The following FAM117B variants were observed in gnomAD, a reference collection of about 807,000 sequenced individuals.
FAM117B encodes the protein protein FAM117B.
A neutral mutation model predicts 52.8 loss-of-function variants in FAM117B; 22 were observed. The ratio of observed to expected loss-of-function variants is 0.42; its 90% CI spans 0.30 to 0.59. The LOEUF is 0.59. Among genes scored for constraint, FAM117B ranks in the 20% least tolerant of loss-of-function variants. The pLI, the probability that FAM117B is intolerant of heterozygous loss-of-function variation, is 0.22. For synonymous variants in FAM117B, 309 were observed against 324.1 expected, an observed-to-expected ratio of 0.95 and a Z score of 0.50; for missense variants, 678 against 802.6, an observed-to-expected ratio of 0.84 and a Z score of 1.88.
chr2:202,639,160 A>G (rs983553976), intron 1 of FAM117B, among the ~76,000 whole-genome samples: 5 of 152,166 alleles, frequency 3.3e-5, no homozygotes, highest in African/African-American at 1.2e-4. Flanking sequence ...ACCTCATAGG[A>G]CTCAAATTTC....
intron 4 of FAM117B, among the ~76,000 whole-genome samples, chr2:202,748,978 C>T (rs1217980434): frequency 1.3e-5 from 2 of 152,082 alleles, no homozygotes; most frequent in Non-Finnish European, 2.9e-5. Flanking sequence ...ATGAGTATTT[C>T]ATTGTGTATT....
At chr2:202,694,500 T>G (rs1298096113) in intron 1 of FAM117B, among the ~76,000 whole-genome samples, 1 of 152,002 alleles carries the variant, frequency 6.6e-6, no homozygotes, top group Non-Finnish European at 1.5e-5. Flanking sequence ...CAAAACCAAC[T>G]TTTTTATATG....
intron 1 of FAM117B, among the ~76,000 whole-genome samples, chr2:202,670,225 AAG>A (rs1376567360): frequency 3.9e-5 from 6 of 152,210 alleles, no homozygotes; most frequent in African/African-American, 1.4e-4. Context: ...CAAAAATGAA[AAG>A]AGAAATAAGA....
At chr2:202,658,319 A>G (rs55866932) in intron 1 of FAM117B, among the ~76,000 whole-genome samples, 27,701 of 151,974 alleles carry the variant, frequency 0.18, 3,278 homozygotes, top group South Asian at 0.38. Flanking sequence ...TTTTAAAAAA[A>G]TTGAGACAGA....
intron 1 of FAM117B, among the ~76,000 whole-genome samples, chr2:202,644,075 T>TTTTTTTTTC (rs1689821065): frequency 6.8e-6 from 1 of 146,712 alleles, no homozygotes; most frequent in Non-Finnish European, 1.5e-5. Flanking sequence ...TTTTTTTTTT[T>TTTTTTTTTC]TTTTTTTTTC....
chr2:202,732,132 C>T (rs1407333329), intron 4 of FAM117B, among the ~76,000 whole-genome samples: 1 of 150,096 alleles, frequency 6.7e-6, no homozygotes, highest in Non-Finnish European at 1.5e-5. Context: ...CTCAGGTGAT[C>T]CACCTGCCTC....
chr2:202,636,425 T>C (rs1412582958), intron 1 of FAM117B, among the ~76,000 whole-genome samples: 2 of 152,168 alleles, frequency 1.3e-5, no homozygotes, highest in African/African-American at 4.8e-5. Flanking sequence ...ATTTCTGATT[T>C]TGTGTACTGA....
At chr2:202,751,992 A>G (rs1207134081) in intron 4 of FAM117B, among the ~76,000 whole-genome samples, 1 of 152,106 alleles carries the variant, frequency 6.6e-6, no homozygotes, top group Non-Finnish European at 1.5e-5. Context: ...ATGGAAGTAA[A>G]GGGAATAAGT....
chr2:202,683,340 A>C (rs199641882), intron 1 of FAM117B, among the ~76,000 whole-genome samples: 1 of 145,210 alleles, frequency 6.9e-6, no homozygotes, highest in South Asian at 2.1e-4. Context: ...AAAAAACAAA[A>C]AACCAAAACA....
At chr2:202,672,460 C>T (rs887753243) in intron 1 of FAM117B, among the ~76,000 whole-genome samples, 7 of 152,170 alleles carry the variant, frequency 4.6e-5, no homozygotes, top group East Asian at 1.9e-4. Flanking sequence ...GTGATCCACC[C>T]GCCTTAGCCT....
At chr2:202,694,891 A>C (rs1292651684) in intron 1 of FAM117B, among the ~76,000 whole-genome samples, 1 of 152,246 alleles carries the variant, frequency 6.6e-6, no homozygotes, top group Non-Finnish European at 1.5e-5. Context: ...TGTCATTATC[A>C]AATAACATTG....
intron 4 of FAM117B, among the ~76,000 whole-genome samples, chr2:202,736,095 AACTT>A (rs1295374681): frequency 2.6e-5 from 4 of 152,214 alleles, no homozygotes; most frequent in African/African-American, 9.6e-5. Flanking sequence ...TAGAAAAAGA[AACTT>A]ACTTTTCTCT....
At chr2:202,670,614 A>G (rs1010895000) in intron 1 of FAM117B, among the ~76,000 whole-genome samples, 9 of 152,310 alleles carry the variant, frequency 5.9e-5, no homozygotes, top group African/African-American at 1.4e-4. Flanking sequence ...GACTTTGTCT[A>G]CATAGCAGGG....
chr2:202,713,245 G>C (rs2105782796), intron 2 of FAM117B, among the ~76,000 whole-genome samples: 1 of 152,264 alleles, frequency 6.6e-6, no homozygotes, highest in East Asian at 1.9e-4. Context: ...TTTATTCATA[G>C]TTAAATATTG....
At chr2:202,691,917 T>G (rs1240885475) in intron 1 of FAM117B, among the ~76,000 whole-genome samples, 1 of 152,170 alleles carries the variant, frequency 6.6e-6, no homozygotes, top group East Asian at 1.9e-4. Flanking sequence ...CATGGAGAGA[T>G]AGGTAGCATT....
At chr2:202,764,719 A>G (rs1034756654) in intron 7 of FAM117B, among the ~76,000 whole-genome samples, 1 of 152,204 alleles carries the variant, frequency 6.6e-6, no homozygotes, top group Admixed American at 6.5e-5. Context: ...TACCATTAAT[A>G]CCAATATCTT....
intron 1 of FAM117B, among the ~76,000 whole-genome samples, chr2:202,693,678 G>C (rs1046962017): frequency 6.6e-6 from 1 of 152,172 alleles, no homozygotes; most frequent in Non-Finnish European, 1.5e-5. Context: ...TTATAAACAT[G>C]TGAGGACTTG....
At position 202,768,732 on chromosome 2, in the gene FAM117B, T is replaced by A. The variant is rs1692024710; in HGVS notation, c.*2968T>A. 6.6e-6 allele frequency: 1 copy of A among 152,584 alleles called. No homozygotes were observed. The highest frequency in any genetic ancestry group is 1.5e-5 in the Non-Finnish European group (1 of 68,018). 9.5% of individuals were successfully genotyped at this position (152,584 alleles called of 1,614,324 possible). ...TAATTATTGTTATTCTGTAGAAAAC[T>A]GTACAGAAGGTAAATAGAATAGCTT... On this transcript the variant is annotated 3_prime_UTR_variant, in exon 8 of 8. Transcript: ENST00000392238.
chr2:202,649,084 A>G (rs1443077003), intron 1 of FAM117B, among the ~76,000 whole-genome samples: 2 of 152,208 alleles, frequency 1.3e-5, no homozygotes, highest in Non-Finnish European at 2.9e-5. Context: ...TTTTTGGGTC[A>G]GAAGGGCGTG....
Sources: allele counts gnomAD v4.1 joint callset (sites outside exome capture counted in the v4.1 genomes callset), GRCh38; gene constraint gnomAD v4.1.1; transcripts MANE v1.5; gene names NCBI Gene and HGNC (gene_info 2026-07-23, HGNC 2026-07-21).